ICA1: variants seen among roughly 807,000 people sequenced by gnomAD.
ICA1 encodes 69 kDa islet cell autoantigen.
Under a neutral mutation model 71.0 loss-of-function variants are expected in ICA1, and 40 were observed. That is an observed-to-expected ratio of 0.56 (90% CI 0.44 to 0.73). The LOEUF (loss-of-function observed/expected upper bound fraction) is 0.73, where lower values mean the gene tolerates loss of function less well. Ranked by LOEUF, ICA1 falls within the 30% of genes least tolerant of loss-of-function variation. ICA1 has a pLI of 0.00. For missense variants in ICA1, 578 were observed against 576.5 expected, an observed-to-expected ratio of 1.00 and a Z score of -0.03; for synonymous variants, 207 against 209.5, an observed-to-expected ratio of 0.99 and a Z score of 0.10.
At chr7:8,232,835 C>A in intron 2 of ICA1, 80 bp from the exon 3 acceptor site, 2 of 1,214,798 alleles carry the variant, frequency 1.6e-6, no homozygotes, top group Non-Finnish European at 2.2e-6. Context: ...TTTCTTTAAA[C>A]ATGACTTTCC....
At chr7:8,117,175 T>C (rs1785076015) in intron 13 of ICA1, among the ~76,000 whole-genome samples, 1 of 152,214 alleles carries the variant, frequency 6.6e-6, no homozygotes, top group Non-Finnish European at 1.5e-5. Context: ...TGATTGTAAG[T>C]TTCCTGAGGC....
intron 10 of ICA1, among the ~76,000 whole-genome samples, chr7:8,139,567 A>G (rs1794525824): frequency 6.6e-6 from 1 of 152,166 alleles, no homozygotes; most frequent in Non-Finnish European, 1.5e-5. Flanking sequence ...GGGCAGTGAA[A>G]CTGTTTTGTA....
At chr7:8,241,577 T>A (rs56195159) in intron 1 of ICA1, among the ~76,000 whole-genome samples, 63,250 of 151,424 alleles carry the variant, frequency 0.42, 14,348 homozygotes, top group African/African-American at 0.61. Flanking sequence ...ATTAACCTTA[T>A]TGTAAATGGG....
intron 1 of ICA1, among the ~76,000 whole-genome samples, chr7:8,246,378 C>T (rs1307658578): frequency 6.6e-6 from 1 of 152,176 alleles, no homozygotes; most frequent in Non-Finnish European, 1.5e-5. Flanking sequence ...TTTGATATAA[C>T]AACCTGGGGA....
In ICA1 at chr7:8,158,594, C is replaced by A. The variant is rs1484011437; in HGVS notation, c.638G>T (p.Cys213Phe). 6.2e-7 allele frequency: 1 copy of A among 1,614,138 alleles called. No homozygotes were observed. Among genetic ancestry groups the A allele is most frequent in the South Asian group, 1.1e-5 (1 of 91,082 alleles). The change falls in exon 7 of 14, where the codon TGT (cysteine) becomes TTT (phenylalanine). Residue 213 changes from cysteine to phenylalanine, a missense_variant. Cys to Phe is a radical substitution (Grantham distance 205). Transcript: ENST00000402384. ...CGCTCCAAGAAGATCCACTTTTTGA[C>A]AAACATCCATCTTCAATTTGTCAAA... is the stretch of plus-strand genomic sequence containing the variant. ...KNFDKLKMDV[C>F]QKVDLLGASR... is the part of the protein sequence containing the mutation.
chr7:8,194,901 T>A (rs990815325), intron 6 of ICA1, among the ~76,000 whole-genome samples: 13 of 152,148 alleles, frequency 8.5e-5, no homozygotes, highest in South Asian at 2.1e-4. Context: ...CTTCAAAAAA[T>A]TTTTTTATGT....
At position 8,123,810 on chromosome 7, in the gene ICA1, G is replaced by A. The variant is rs1787960103; in HGVS notation, c.1330+4063C>T. The stretch of plus-strand genomic sequence containing the variant: ...GAAATCCCTTTTGCTCTCAGAGACT[G>A]TACTGAGAGGCCAGAGAAGGGAATG... On this transcript the variant is annotated intron_variant, in intron 13 of 13. Coordinates refer to ENST00000402384, the MANE Select transcript of ICA1 (RefSeq NM_001136020.3). The surrounding 1 kb of genome is among the most constrained non-coding windows in gnomAD (Gnocchi z 4.1). 6.6e-6 allele frequency among the ~76,000 whole-genome samples: 1 copy of A among 152,330 alleles called. No individual in the cohort carries two copies. The highest frequency in any genetic ancestry group is 1.9e-4 in the East Asian group (1 of 5,174).
intron 9 of ICA1, among the ~76,000 whole-genome samples, chr7:8,143,111 T>G (rs1448059762): frequency 6.6e-6 from 1 of 152,256 alleles, no homozygotes; most frequent in Non-Finnish European, 1.5e-5. Context: ...CCATCCATTT[T>G]GTTTTCCTAG....
chr7:8,243,848 T>C (rs1253069334), intron 1 of ICA1, among the ~76,000 whole-genome samples: 1 of 152,010 alleles, frequency 6.6e-6, no homozygotes, highest in Non-Finnish European at 1.5e-5. Context: ...TACCCAGGAA[T>C]CCAACTTACA....
At chr7:8,187,419 G>A (rs898078506) in intron 6 of ICA1, among the ~76,000 whole-genome samples, 5 of 152,174 alleles carry the variant, frequency 3.3e-5, no homozygotes, top group African/African-American at 1.2e-4. Flanking sequence ...CCTGTGTAGG[G>A]CACTTCCCAC....
chr7:8,230,517 T>A (rs1799954704), intron 3 of ICA1, among the ~76,000 whole-genome samples: 1 of 152,246 alleles, frequency 6.6e-6, no homozygotes, highest in African/African-American at 2.4e-5. Flanking sequence ...GCTAAATTAT[T>A]TGTCACAGCT....
chr7:8,227,860 A>G, intron 4 of ICA1: 1 of 454,030 alleles, frequency 2.2e-6, no homozygotes, highest in Non-Finnish European at 4.5e-6. Flanking sequence ...TGCTGGGATT[A>G]CAGATGTCAG....
chr7:8,232,509 G>A (rs912451219), intron 3 of ICA1, 81 bp downstream of exon 3: 15 of 1,189,324 alleles, frequency 1.3e-5, no homozygotes, highest in Non-Finnish European at 1.6e-5. Context: ...AGCACACCCA[G>A]CTCTGCCTCA....
intron 6 of ICA1, among the ~76,000 whole-genome samples, chr7:8,168,962 CATGAT>C (rs1340872857): frequency 1.3e-5 from 2 of 152,106 alleles, no homozygotes; most frequent in African/African-American, 4.8e-5. Flanking sequence ...TGACCACAAT[CATGAT>C]ATAAGACATT....
chr7:8,125,596 T>C (rs1344151607), intron 13 of ICA1, among the ~76,000 whole-genome samples: 4 of 152,216 alleles, frequency 2.6e-5, no homozygotes, highest in African/African-American at 9.6e-5. Context: ...TCTAGCCTAC[T>C]ATGCGATTTG....
chr7:8,134,797 GAACA>G (rs1792781593), intron 12 of ICA1, among the ~76,000 whole-genome samples: 2 of 151,542 alleles, frequency 1.3e-5, no homozygotes, highest in Admixed American at 1.3e-4. Flanking sequence ...ATTATAATAA[GAACA>G]GAGAGAGGAA....
At chr7:8,147,868 G>T (rs931438885) in intron 8 of ICA1, among the ~76,000 whole-genome samples, 1 of 152,018 alleles carries the variant, frequency 6.6e-6, no homozygotes, top group South Asian at 2.1e-4. Context: ...TTCCTGGCTC[G>T]GGGCCACTGT....
Position 8,154,068 on chromosome 7 carries a change from A to T in ICA1, c.804+3048T>A, listed in dbSNP as rs114901732. Among the ~76,000 whole-genome samples the T allele has an allele frequency of 7.4e-3, 1,127 of 152,160 alleles. 7 individuals are homozygous for T. Among genetic ancestry groups the T allele is most frequent in the African/African-American group, 0.026 (1,075 of 41,528 alleles). ...ACAAAAATCTATTTATTATAAAAAAATTAAAATGATGAAGGAATGTGTCAG... is the reference window on the plus strand; with the variant it reads ...ACAAAAATCTATTTATTATAAAAAATTTAAAATGATGAAGGAATGTGTCAG... On this transcript the variant is annotated intron_variant, in intron 8 of 13. Transcript: ENST00000402384.
intron 2 of ICA1, among the ~76,000 whole-genome samples, chr7:8,235,211 T>C (rs1801471866): frequency 6.6e-6 from 1 of 152,068 alleles, no homozygotes; most frequent in African/African-American, 2.4e-5. Flanking sequence ...TTGAAAAATA[T>C]GTAACACATT....
Sources: allele counts gnomAD v4.1 joint callset (sites outside exome capture counted in the v4.1 genomes callset), GRCh38; gene constraint gnomAD v4.1.1; non-coding constraint Gnocchi (gnomAD v3.1); transcripts MANE v1.5; gene names NCBI Gene and HGNC (gene_info 2026-07-23, HGNC 2026-07-21).